Variants in SEC23IP observed in about 807,000 individuals in gnomAD.
SEC23IP encodes SEC23-interacting protein.
In SEC23IP, 70 loss-of-function variants were observed where a neutral mutation model predicts 113.4. The observed-to-expected ratio is 0.62, with a 90% confidence interval of 0.51 to 0.75. The LOEUF is 0.75. SEC23IP is among the 30% of genes least tolerant of loss of function. The pLI is 0.00. For missense variants in SEC23IP, 1,160 were observed against 1,204.9 expected (o/e 0.96, Z 0.55); for synonymous variants, 398 against 421.0 (o/e 0.95, Z 0.67).
intron 1 of SEC23IP, among the ~76,000 whole-genome samples, chr10:119,895,267 C>A (rs1854236915): frequency 6.6e-6 from 1 of 152,110 alleles, no homozygotes; most frequent in Non-Finnish European, 1.5e-5. Context: ...GCCTGTAATC[C>A]CAGCTACTCG....
At chr10:119,899,867 A>G (rs1010143447) in intron 2 of SEC23IP, among the ~76,000 whole-genome samples, 1 of 152,264 alleles carries the variant, frequency 6.6e-6, no homozygotes, top group African/African-American at 2.4e-5. Flanking sequence ...AAAGAGTACA[A>G]AGAGCACTCT....
At chr10:119,903,695 T>G (rs1854570424) in intron 3 of SEC23IP, among the ~76,000 whole-genome samples, 1 of 152,202 alleles carries the variant, frequency 6.6e-6, no homozygotes. Flanking sequence ...CTTTAAAGAT[T>G]GAGTAGTCAC....
rs1447504195 is a variant in SEC23IP at position 119,941,751 on chromosome 10, T to A, written c.*1186T>A. 1 of 152,682 alleles carries A rather than the reference T, an allele frequency of 6.5e-6. No individual in the cohort carries two copies. Among genetic ancestry groups the A allele is most frequent in the Non-Finnish European group, 1.5e-5 (1 of 68,044 alleles). The allele number at this position is 152,682 out of a possible 1,614,324, so 9.5% of individuals were successfully genotyped here. ...TAAGCAGCAAACTTATGTATTTCTC[T>A]TGTCTTCCTTAAAAGTGTCCCCATG... On this transcript the variant is annotated 3_prime_UTR_variant, in exon 19 of 19. Transcript: ENST00000369075.
chr10:119,939,579 G>A (rs1185061600), intron 18 of SEC23IP, among the ~76,000 whole-genome samples: 2 of 152,152 alleles, frequency 1.3e-5, no homozygotes, highest in Non-Finnish European at 2.9e-5. Context: ...GGAGGCTGAG[G>A]CAGGAGAATC....
Position 119,921,897 on chromosome 10 carries a change from A to C in SEC23IP, c.2121+913A>C, listed in dbSNP as rs903932102. On this transcript the variant is annotated intron_variant, in intron 12 of 18. Coordinates refer to ENST00000369075, the MANE Select transcript of SEC23IP (RefSeq NM_007190.4). Reference sequence around the variant, plus strand: ...ACTACCTGTTTGGAACTTAACCTACATCATTTCTTTATATGGGAAATGACT... The same window carrying C: ...ACTACCTGTTTGGAACTTAACCTACCTCATTTCTTTATATGGGAAATGACT... 4.6e-5 allele frequency among the ~76,000 whole-genome samples: 7 copies of C among 151,482 alleles called. No individual in the cohort carries two copies. The South Asian group carries it at 8.4e-4, about 18-fold the overall frequency.
At chr10:119,926,350 A>AT in intron 13 of SEC23IP, 123 bp downstream of exon 13, 1 of 1,053,232 alleles carries the variant, frequency 9.5e-7, no homozygotes, top group Non-Finnish European at 1.3e-6. Context: ...GAAAAAACTG[A>AT]TTTTCTCTTA....
intron 2 of SEC23IP, among the ~76,000 whole-genome samples, chr10:119,901,096 C>T (rs567218106): frequency 8.9e-5 from 13 of 146,500 alleles, no homozygotes; most frequent in East Asian, 2.0e-4. Context: ...GGTGTGATTA[C>T]AGCTCACTGC....
intron 2 of SEC23IP, among the ~76,000 whole-genome samples, chr10:119,900,281 A>ATG (rs35080845): frequency 0.13 from 17,539 of 136,904 alleles, 1,083 homozygotes; most frequent in South Asian, 0.23. Flanking sequence ...GTGTGTGTGT[A>ATG]TGTGTGTGTG....
intron 16 of SEC23IP, among the ~76,000 whole-genome samples, chr10:119,932,527 T>C (rs1855640313): frequency 6.6e-6 from 1 of 152,180 alleles, no homozygotes; most frequent in South Asian, 2.1e-4. Flanking sequence ...TATCTGATAG[T>C]TACTGAACTT....
chr10:119,901,023 CTT>C (rs34703745), intron 2 of SEC23IP, among the ~76,000 whole-genome samples: 6 of 78,546 alleles, frequency 7.6e-5, no homozygotes, highest in Non-Finnish European at 9.9e-5. Context: ...TTTTCTTCTT[CTT>C]TTTTTTTTTT....
chr10:119,937,241 A>G (rs1855822969), intron 18 of SEC23IP, among the ~76,000 whole-genome samples: 1 of 152,196 alleles, frequency 6.6e-6, no homozygotes, highest in African/African-American at 2.4e-5. Flanking sequence ...TGTCATTATA[A>G]GTATTTTTTC....
intron 15 of SEC23IP, among the ~76,000 whole-genome samples, chr10:119,931,108 C>A (rs983314621): frequency 1.3e-5 from 2 of 151,894 alleles, no homozygotes; most frequent in East Asian, 3.9e-4. Context: ...GATTATTAGA[C>A]AACAGTAGAA....
At position 119,909,050 on chromosome 10, in the gene SEC23IP, A is replaced by G. The variant is rs143440140; in HGVS notation, c.1111A>G (p.Lys371Glu). The G allele has an allele frequency of 9.3e-6, 15 of 1,606,380 alleles. No individual in the cohort carries two copies. The African/African-American group carries it at 1.9e-4, about 20-fold the overall frequency. Reference sequence around the variant, plus strand: ...GTTTCCCCCATTATAGGCTGAATATAAAAAAGCTGTAACCACTAATCAGTG... The same window carrying G: ...GTTTCCCCCATTATAGGCTGAATATGAAAAAGCTGTAACCACTAATCAGTG... ...EFSEKLEAEY[K>E]KAVTTNQWHR... The change falls in exon 5 of 19, where the codon AAA becomes GAA. Residue 371 changes from lysine (K) to glutamate (E), a missense_variant. Lys to Glu is a moderately conservative substitution (Grantham distance 56). Coordinates refer to ENST00000369075, the MANE Select transcript of SEC23IP (RefSeq NM_007190.4).
In SEC23IP at chr10:119,918,390, T is replaced by C. The variant is rs762928277; in HGVS notation, c.1754-3T>C. 6.4e-7 allele frequency: 1 copy of C among 1,551,908 alleles called. No homozygotes were observed. Among genetic ancestry groups the C allele is most frequent in the South Asian group, 1.1e-5 (1 of 89,186 alleles). Reference sequence around the variant, plus strand: ...TATAAGGCAAAATGTTTCTTTTTCATAGGTTCTTTAATATTGTTTGACATC... The same window carrying C: ...TATAAGGCAAAATGTTTCTTTTTCACAGGTTCTTTAATATTGTTTGACATC... On this transcript the variant is annotated splice_polypyrimidine_tract_variant and splice_region_variant and intron_variant, in intron 9 of 18. Transcript: ENST00000369075.
At chr10:119,902,667 G>T in intron 2 of SEC23IP, 132 bp from the exon 3 acceptor site, 2 of 736,276 alleles carry the variant, frequency 2.7e-6, no homozygotes, top group Non-Finnish European at 4.6e-6. Flanking sequence ...ATTGCTTTGG[G>T]GTCTAGTTAT....
At chr10:119,896,683 G>A (rs1854294546) in intron 1 of SEC23IP, among the ~76,000 whole-genome samples, 2 of 152,116 alleles carry the variant, frequency 1.3e-5, no homozygotes, top group Admixed American at 1.3e-4. Context: ...AGTATATGGA[G>A]AGCACTTCAT....
rs753744573 is a variant in SEC23IP, at chr10:119,942,509, G to C, written c.*1944G>C. ...TAAACTAGGTGAGAATCCAGCTGCTGAGTGAAGCTTGATCTCTGCCTCTTC... is the reference window on the plus strand; with the variant it reads ...TAAACTAGGTGAGAATCCAGCTGCTCAGTGAAGCTTGATCTCTGCCTCTTC... On this transcript the variant is annotated 3_prime_UTR_variant, in exon 19 of 19. Transcript: ENST00000369075. 9 of 152,154 alleles carry C rather than the reference G, an allele frequency of 5.9e-5. No individual in the cohort carries two copies. Among genetic ancestry groups the C allele is most frequent in the Non-Finnish European group, 1.2e-4 (8 of 68,044 alleles). 9.4% of individuals were successfully genotyped at this position (152,154 alleles called of 1,614,324 possible).
At chr10:119,931,639 G>A (rs1400529596) in intron 15 of SEC23IP, among the ~76,000 whole-genome samples, 1 of 149,834 alleles carries the variant, frequency 6.7e-6, no homozygotes, top group Middle Eastern at 3.2e-3. Context: ...TGCAAGCTCT[G>A]CCTCCCGGGT....
rs1856015056 is a variant in SEC23IP at position 119,943,695 on chromosome 10, G to C, written c.*3130G>C. On this transcript the variant is annotated 3_prime_UTR_variant, in exon 19 of 19. Coordinates refer to ENST00000369075, the MANE Select transcript of SEC23IP (RefSeq NM_007190.4). ...ATAATGTCATGTTGTTAACACCAGT[G>C]GGAGTTTGGGAAATAATTCCAGCTC... The C allele has an allele frequency of 6.6e-6, 1 of 152,246 alleles. No individual in the cohort carries two copies. The highest frequency in any genetic ancestry group is 1.5e-5 in the Non-Finnish European group (1 of 68,044). The allele number at this position is 152,246 out of a possible 1,614,324, so 9.4% of individuals were successfully genotyped here.
Sources: gnomAD v4.1 joint callset for allele counts (sites outside exome capture counted in the v4.1 genomes callset) on GRCh38, gnomAD v4.1.1 for gene constraint, MANE v1.5 for transcripts, NCBI Gene and HGNC (gene_info 2026-07-23, HGNC 2026-07-21) for gene names.